The following BMPR1A variants were observed in gnomAD, a reference collection of about 807,000 sequenced individuals.
The protein encoded by BMPR1A is bone morphogenetic protein receptor type-1A.
A neutral mutation model predicts 66.0 loss-of-function variants in BMPR1A; 7 were observed. The observed-to-expected ratio is 0.11, with a 90% CI of 0.06 to 0.20. The LOEUF (loss-of-function observed/expected upper bound fraction) is 0.20. Among genes scored for constraint, BMPR1A ranks in the 10% least tolerant of loss-of-function variants. The pLI is 1.00. For missense variants in BMPR1A, 408 were observed against 669.1 expected (o/e 0.61, Z 4.31); for synonymous variants, 200 against 229.7 (o/e 0.87, Z 1.17).
intron 5 of BMPR1A, among the ~76,000 whole-genome samples, chr10:86,895,814 G>C (rs1483005874): frequency 1.3e-5 from 2 of 152,214 alleles, no homozygotes; most frequent in East Asian, 3.9e-4. Flanking sequence ...GATCGCTTGA[G>C]CTCACAAGTT....
intron 1 of BMPR1A, among the ~76,000 whole-genome samples, chr10:86,806,075 G>A (rs1302277708): frequency 6.6e-6 from 1 of 152,078 alleles, no homozygotes; most frequent in East Asian, 1.9e-4. Context: ...TTATTTTCTA[G>A]AATATTCCTC....
Position 86,923,804 on chromosome 10 carries a change from G to A in BMPR1A, c.*85G>A, listed in dbSNP as rs531153431. Reference sequence around the variant, plus strand: ...GGTGGAATTAGAGTGGAATAAGGATGTTAACTTGGTTCTCAGACTCTTTCT... The same window carrying A: ...GGTGGAATTAGAGTGGAATAAGGATATTAACTTGGTTCTCAGACTCTTTCT... On this transcript the variant is annotated 3_prime_UTR_variant, in exon 13 of 13. Transcript: ENST00000372037. The A allele has an allele frequency of 2.9e-4, 440 of 1,542,630 alleles. No individual in the cohort carries two copies. Among genetic ancestry groups the A allele is most frequent in the Admixed American group, 7.4e-4 (44 of 59,584 alleles).
intron 1 of BMPR1A, among the ~76,000 whole-genome samples, chr10:86,758,264 A>T (rs1847909804): frequency 6.6e-6 from 1 of 152,246 alleles, no homozygotes; most frequent in East Asian, 1.9e-4. Context: ...TACTTTCTTC[A>T]CTTCTCCCCA....
At chr10:86,775,140 T>C (rs977454075) in intron 1 of BMPR1A, among the ~76,000 whole-genome samples, 2 of 152,186 alleles carry the variant, frequency 1.3e-5, no homozygotes, top group Non-Finnish European at 2.9e-5. Context: ...AAGCATGTAA[T>C]CTACCTAGAA....
At chr10:86,918,286 G>C (rs550799985) in intron 9 of BMPR1A, among the ~76,000 whole-genome samples, 1 of 151,338 alleles carries the variant, frequency 6.6e-6, no homozygotes, top group African/African-American at 2.5e-5. Context: ...ATGGATTTTA[G>C]ACATGAATTT....
intron 1 of BMPR1A, among the ~76,000 whole-genome samples, chr10:86,773,720 C>T (rs71473276): frequency 0.094 from 14,197 of 151,790 alleles, 1,368 homozygotes; most frequent in African/African-American, 0.24. Context: ...GGCAGCTGTG[C>T]GTTCTTTATT....
downstream of BMPR1A, chr10:86,928,220 C>CTTT (rs71477622): frequency 0.021 from 2,461 of 119,226 alleles, 135 homozygotes; most frequent in African/African-American, 0.077. Context: ...TTTCTTTTTC[C>CTTT]TTTTTTTTTT....
At chr10:86,903,289 A>G (rs1048747332) in intron 7 of BMPR1A, among the ~76,000 whole-genome samples, 4 of 152,182 alleles carry the variant, frequency 2.6e-5, no homozygotes, top group Admixed American at 2.6e-4. Flanking sequence ...TAAAATAGTT[A>G]TTATAACTGT....
intron 2 of BMPR1A, among the ~76,000 whole-genome samples, chr10:86,859,353 GAGATGGGGTCTC>G (rs2133224370): frequency 6.6e-6 from 1 of 152,050 alleles, no homozygotes; most frequent in Non-Finnish European, 1.5e-5. Context: ...TTGAAGTATA[GAGATGGGGTCTC>G]ACTACATTGC....
rs1589701545 is a variant in BMPR1A, at chr10:86,759,266, C to T, written c.-268+2347C>T. ...CTTTTCTGCCTTCTGTTTCTTCTTTCCTCTTTAATATGCGTTCTCCAAGTT... is the reference window on the plus strand; with the variant it reads ...CTTTTCTGCCTTCTGTTTCTTCTTTTCTCTTTAATATGCGTTCTCCAAGTT... On this transcript the variant is annotated intron_variant, in intron 1 of 12. Coordinates refer to ENST00000372037, the MANE Select transcript of BMPR1A (RefSeq NM_004329.3). Among the ~76,000 whole-genome samples the T allele has an allele frequency of 2.0e-5, 3 of 152,142 alleles. No homozygotes were observed. In the East Asian group the frequency reaches 5.8e-4, roughly 29 times the overall value.
chr10:86,842,906 A>T (rs570391817), intron 2 of BMPR1A, among the ~76,000 whole-genome samples: 1 of 152,206 alleles, frequency 6.6e-6, no homozygotes, highest in East Asian at 1.9e-4. Flanking sequence ...CCATGATTCA[A>T]TTATTTCCCA....
chr10:86,915,714 G>A (rs1348803171), intron 8 of BMPR1A, among the ~76,000 whole-genome samples: 1 of 152,088 alleles, frequency 6.6e-6, no homozygotes, highest in Non-Finnish European at 1.5e-5. Flanking sequence ...GCAACGGAGC[G>A]AGACTCTGTC....
At chr10:86,869,685 A>G (rs910394581) in intron 2 of BMPR1A, among the ~76,000 whole-genome samples, 1 of 151,874 alleles carries the variant, frequency 6.6e-6, no homozygotes. Context: ...TGAACCCTGG[A>G]GGCAGAGGTT....
At chr10:86,865,101 C>CGT (rs1842766796) in intron 2 of BMPR1A, among the ~76,000 whole-genome samples, 1 of 152,174 alleles carries the variant, frequency 6.6e-6, no homozygotes, top group African/African-American at 2.4e-5. Context: ...GTGACTTGCA[C>CGT]ATATACGCCC....
At chr10:86,790,215 ATATATATATATATATATATATC>A (rs1564685590) in intron 1 of BMPR1A, among the ~76,000 whole-genome samples, 2 of 99,098 alleles carry the variant, frequency 2.0e-5, no homozygotes, top group Non-Finnish European at 3.9e-5. Context: ...ATATATATAT[ATATATATATATATATATATATC>A]AAAACCACAA....
At chr10:86,896,729 CATT>C (rs547882857) in intron 5 of BMPR1A, among the ~76,000 whole-genome samples, 31 of 152,244 alleles carry the variant, frequency 2.0e-4, no homozygotes, top group Non-Finnish European at 4.3e-4. Context: ...GTCAAAGTGT[CATT>C]ATGTACAGTA....
intron 2 of BMPR1A, among the ~76,000 whole-genome samples, chr10:86,858,551 C>T (rs1842675051): frequency 6.6e-6 from 1 of 152,134 alleles, no homozygotes; most frequent in Non-Finnish European, 1.5e-5. Context: ...ACCCTAAAAA[C>T]TTCACCATAA....
intron 1 of BMPR1A, among the ~76,000 whole-genome samples, chr10:86,758,981 A>T (rs980802307): frequency 5.3e-5 from 8 of 152,238 alleles, no homozygotes; most frequent in African/African-American, 1.9e-4. Flanking sequence ...TGGAGCTTAA[A>T]GTCTAGTGGG....
chr10:86,926,763 G>T lies in BMPR1A; in HGVS notation c.*3044G>T. ...TTTTTGAAGTGTGTAGCTTCATTCA[G>T]ATAGCTCTTTAAATAATTAAAATAT... On this transcript the variant is annotated 3_prime_UTR_variant, in exon 13 of 13. Transcript: ENST00000372037. 1 of 186,508 alleles carries T rather than the reference G, an allele frequency of 5.4e-6. No homozygotes were observed. The highest frequency in any genetic ancestry group is 1.1e-5 in the Non-Finnish European group (1 of 88,378). 11.6% of individuals were successfully genotyped at this position (186,508 alleles called of 1,614,324 possible).
Sources: allele counts gnomAD v4.1 joint callset (sites outside exome capture counted in the v4.1 genomes callset), GRCh38; gene constraint gnomAD v4.1.1; transcripts MANE v1.5; gene names NCBI Gene and HGNC (gene_info 2026-07-23, HGNC 2026-07-21).